Variants in SYTL5 observed in about 807,000 individuals in gnomAD.
SYTL5 encodes synaptotagmin like 5, also known as synaptotagmin-like protein 5.
In SYTL5, 34 loss-of-function variants were observed where a neutral mutation model predicts 55.9. That is an observed-to-expected ratio of 0.61 (90% CI 0.46 to 0.81). The LOEUF (loss-of-function observed/expected upper bound fraction) is 0.81. SYTL5 is among the 30% of genes least tolerant of loss of function. The probability of loss-of-function intolerance (pLI) is 0.00; values close to 1 mark genes in which losing one functional copy is unlikely to be tolerated. For missense variants in SYTL5, 637 were observed against 546.7 expected, an observed-to-expected ratio of 1.17 and a Z score of -1.65; for synonymous variants, 221 against 188.7, an observed-to-expected ratio of 1.17 and a Z score of -1.40.
the SYTL5 span, among the ~76,000 whole-genome samples, chrX:37,891,866 T>G: frequency 3.6e-5 from 4 of 111,690 alleles, no homozygotes; most frequent in Admixed American, 3.8e-4. Flanking sequence ...CTGATAGATG[T>G]ATGGAAAAGC....
the SYTL5 span, among the ~76,000 whole-genome samples, chrX:37,890,153 T>C: frequency 3.7e-5 from 4 of 109,583 alleles, no homozygotes; most frequent in Non-Finnish European, 5.7e-5. Context: ...ATTAAAAAAT[T>C]TTATTGGGGG....
chrX:37,917,626 A>G, the SYTL5 span, among the ~76,000 whole-genome samples: 2 of 112,602 alleles, frequency 1.8e-5, no homozygotes, highest in Non-Finnish European at 3.8e-5. Flanking sequence ...ACATTAAAAA[A>G]TTCAAACATA....
At chrX:38,113,014 T>C (rs958722149) in intron 13 of SYTL5, among the ~76,000 whole-genome samples, 1 of 112,357 alleles carries the variant, frequency 8.9e-6, no homozygotes, top group African/African-American at 3.2e-5. Context: ...AACGGCATGG[T>C]GCCTTATTGC....
At chrX:38,057,826 T>C (rs1229280706) in intron 3 of SYTL5, among the ~76,000 whole-genome samples, 1 of 111,595 alleles carries the variant, frequency 9.0e-6, no homozygotes, top group Non-Finnish European at 1.9e-5. Flanking sequence ...GAAGGAGCTC[T>C]TTATATATTC....
At chrX:37,976,108 G>T in the SYTL5 span, among the ~76,000 whole-genome samples, 2 of 112,222 alleles carry the variant, frequency 1.8e-5, no homozygotes, top group Admixed American at 1.9e-4. Context: ...TTGAATAACT[G>T]AATGAAATGT....
chrX:37,906,350 AT>A, the SYTL5 span: 2 of 112,081 alleles, frequency 1.8e-5, no homozygotes, highest in Non-Finnish European at 3.8e-5. Context: ...CATATTCTTA[AT>A]TTACCGGGTA....
At chrX:37,970,354 C>CT in the SYTL5 span, among the ~76,000 whole-genome samples, 37,294 of 96,176 alleles carry the variant, frequency 0.39, 6,706 homozygotes, top group African/African-American at 0.63. Context: ...TTTTTTTTAC[C>CT]TTTTTTTTTT....
chrX:38,072,541 G>T (rs934635517), intron 4 of SYTL5, among the ~76,000 whole-genome samples: 3 of 111,920 alleles, frequency 2.7e-5, no homozygotes. Context: ...ATTTATTTCC[G>T]ATTTCCTTTC....
intron 13 of SYTL5, among the ~76,000 whole-genome samples, chrX:38,111,342 G>A (rs775149111): frequency 3.6e-5 from 4 of 111,433 alleles, no homozygotes; most frequent in Non-Finnish European, 5.6e-5. Flanking sequence ...ATAGGTCTGC[G>A]GTGAAGCTTG....
the SYTL5 span, among the ~76,000 whole-genome samples, chrX:37,979,155 CACAA>C: frequency 9.0e-6 from 1 of 110,781 alleles, no homozygotes; most frequent in African/African-American, 3.3e-5. Context: ...CATGAAATTA[CACAA>C]ACAGTCTGTG....
the SYTL5 span, among the ~76,000 whole-genome samples, chrX:37,938,657 T>TCCTTCCCTCTTCAGCCTCCTC: frequency 9.0e-6 from 1 of 110,910 alleles, no homozygotes; most frequent in Non-Finnish European, 1.9e-5. Context: ...CTTTCCTCCT[T>TCCTTCCCTCTTCAGCCTCCTC]CCTTCCCTCT....
At chrX:37,890,217 A>T in the SYTL5 span, among the ~76,000 whole-genome samples, 3 of 110,534 alleles carry the variant, frequency 2.7e-5, no homozygotes, top group African/African-American at 9.9e-5. Flanking sequence ...GACTAAAGGA[A>T]CTCCCCAAAC....
the SYTL5 span, among the ~76,000 whole-genome samples, chrX:37,939,304 C>G: frequency 3.6e-5 from 4 of 111,069 alleles, no homozygotes; most frequent in Admixed American, 3.8e-4. Flanking sequence ...ATAACCCATT[C>G]CACAAGAAGA....
chrX:37,907,654 G>A, the SYTL5 span, among the ~76,000 whole-genome samples: 1 of 111,511 alleles, frequency 9.0e-6, no homozygotes, highest in African/African-American at 3.3e-5. Flanking sequence ...CTGGAGCCTA[G>A]TAAAGTAAGG....
the SYTL5 span, among the ~76,000 whole-genome samples, chrX:37,961,614 C>T: frequency 0.033 from 3,649 of 111,245 alleles, 135 homozygotes; most frequent in African/African-American, 0.11. Context: ...CTTTTGTCAC[C>T]AAAAGAGTAT....
chrX:38,110,568 C>G (rs1937335539), intron 13 of SYTL5, 86 bp downstream of exon 13: 2 of 802,092 alleles, frequency 2.5e-6, no homozygotes, highest in African/African-American at 2.1e-5. Context: ...AACTTGAAGA[C>G]TTTCAAATTT....
At chrX:38,050,377 TG>T (rs928937192) in intron 2 of SYTL5, among the ~76,000 whole-genome samples, 1 of 111,742 alleles carries the variant, frequency 8.9e-6, no homozygotes, top group African/African-American at 3.3e-5. Flanking sequence ...GATGATGGGA[TG>T]GAAAAAAACA....
At chrX:37,944,253 C>A in the SYTL5 span, among the ~76,000 whole-genome samples, 53 of 110,256 alleles carry the variant, frequency 4.8e-4, no homozygotes, top group Non-Finnish European at 8.9e-4. Flanking sequence ...TATCACAGGT[C>A]TGGTCTGTTT....
At chrX:38,099,228 G>C (rs947144852) in intron 9 of SYTL5, among the ~76,000 whole-genome samples, 3 of 110,695 alleles carry the variant, frequency 2.7e-5, no homozygotes, top group Admixed American at 9.6e-5. Flanking sequence ...GTTAAAACTA[G>C]GTAATCAGTT....
Sources: allele counts gnomAD v4.1 joint callset (sites outside exome capture counted in the v4.1 genomes callset), GRCh38; gene constraint gnomAD v4.1.1; transcripts MANE v1.5; gene names NCBI Gene and HGNC (gene_info 2026-07-23, HGNC 2026-07-21).